EXOC4: variants seen among roughly 807,000 people sequenced by gnomAD.
The protein encoded by EXOC4 is SEC8-like 1.
Under a neutral mutation model 107.2 loss-of-function variants are expected in EXOC4, and 71 were observed. The ratio of observed to expected loss-of-function variants is 0.66; its 90% CI spans 0.55 to 0.81. The LOEUF (loss-of-function observed/expected upper bound fraction) is 0.81, where lower values mean the gene tolerates loss of function less well. EXOC4 is among the 30% of genes least tolerant of loss of function. The probability of loss-of-function intolerance (pLI) is 0.00; values close to 1 mark genes in which losing one functional copy is unlikely to be tolerated. For synonymous variants in EXOC4, 456 were observed against 441.2 expected, an observed-to-expected ratio of 1.03 and a Z score of -0.42; for missense variants, 1,108 against 1,189.6, an observed-to-expected ratio of 0.93 and a Z score of 1.01.
At chr7:134,087,402 T>C in the EXOC4 span, among the ~76,000 whole-genome samples, 12 of 152,310 alleles carry the variant, frequency 7.9e-5, no homozygotes, top group East Asian at 2.3e-3. Flanking sequence ...CAACAAAAGA[T>C]GGTATCTGGA....
chr7:134,051,556 C>T (rs957476783), intron 17 of EXOC4, among the ~76,000 whole-genome samples: 6 of 151,996 alleles, frequency 3.9e-5, no homozygotes, highest in Non-Finnish European at 5.9e-5. Flanking sequence ...CCTGTAATCC[C>T]AGCTACTCCG....
At chr7:133,994,757 T>G (rs894343987) in intron 14 of EXOC4, among the ~76,000 whole-genome samples, 3 of 148,590 alleles carry the variant, frequency 2.0e-5, no homozygotes, top group Non-Finnish European at 4.5e-5. Context: ...GTACAAGGTT[T>G]TGTGTGTGTG....
chr7:133,666,257 T>C (rs977680143), intron 10 of EXOC4, among the ~76,000 whole-genome samples: 3 of 152,208 alleles, frequency 2.0e-5, no homozygotes, highest in African/African-American at 7.2e-5. Context: ...GATACTGAGA[T>C]ATATTAGGTT....
chr7:133,833,893 G>T (rs1346447641), intron 11 of EXOC4, among the ~76,000 whole-genome samples: 1 of 152,164 alleles, frequency 6.6e-6, no homozygotes, highest in Non-Finnish European at 1.5e-5. Context: ...TTAGGTGGCT[G>T]ATTCAGCTGG....
At chr7:133,448,361 G>A (rs1584925622) in intron 7 of EXOC4, among the ~76,000 whole-genome samples, 1 of 151,874 alleles carries the variant, frequency 6.6e-6, no homozygotes, top group East Asian at 1.9e-4. Flanking sequence ...ACAGTGGTGC[G>A]ATCATGGCTT....
At chr7:133,431,663 A>G (rs908850094) in intron 7 of EXOC4, among the ~76,000 whole-genome samples, 5 of 152,226 alleles carry the variant, frequency 3.3e-5, no homozygotes, top group Admixed American at 1.3e-4. Flanking sequence ...TTAAGTAAGC[A>G]TAGATTACCC....
At chr7:133,369,586 C>T (rs1051067867) in intron 6 of EXOC4, among the ~76,000 whole-genome samples, 4 of 152,052 alleles carry the variant, frequency 2.6e-5, no homozygotes, top group African/African-American at 9.7e-5. Flanking sequence ...GATACTCTTT[C>T]CTGGAGTGTT....
At chr7:133,310,458 C>T (rs150846963) in intron 4 of EXOC4, among the ~76,000 whole-genome samples, 15 of 152,158 alleles carry the variant, frequency 9.9e-5, no homozygotes, top group Admixed American at 3.3e-4. Flanking sequence ...AAAAAAAATT[C>T]GTTTCATTAT....
intron 5 of EXOC4, among the ~76,000 whole-genome samples, chr7:133,328,963 C>T (rs1795313899): frequency 6.6e-6 from 1 of 152,040 alleles, no homozygotes; most frequent in Admixed American, 6.6e-5. Flanking sequence ...GAATGTTGGC[C>T]TGTCTTGCTA....
At position 133,380,176 on chromosome 7, in the gene EXOC4, C is replaced by T. The variant is rs919149703; in HGVS notation, c.1182+5174C>T. Among the ~76,000 whole-genome samples the T allele has an allele frequency of 7.3e-5, 11 of 151,592 alleles. No individual in the cohort carries two copies. In the East Asian group the frequency reaches 2.1e-3, roughly 29 times the overall value. Reference sequence around the variant, plus strand: ...ATGGGTGCAGCACACCAACATGTCACATGTATACATATGTAACAAACCTGC... The same window carrying T: ...ATGGGTGCAGCACACCAACATGTCATATGTATACATATGTAACAAACCTGC... On this transcript the variant is annotated intron_variant, in intron 7 of 17. Transcript: ENST00000253861.
At chr7:134,019,714 G>C (rs1174941286) in intron 17 of EXOC4, among the ~76,000 whole-genome samples, 2 of 152,134 alleles carry the variant, frequency 1.3e-5, no homozygotes, top group Non-Finnish European at 2.9e-5. Flanking sequence ...CGTGAAGTAA[G>C]GCTACCATTT....
chr7:133,423,478 A>G (rs1282566619), intron 7 of EXOC4, among the ~76,000 whole-genome samples: 3 of 152,202 alleles, frequency 2.0e-5, no homozygotes, highest in African/African-American at 2.4e-5. Context: ...GTGATTGTGT[A>G]GGTGTGAGTA....
intron 14 of EXOC4, among the ~76,000 whole-genome samples, chr7:133,983,754 T>G (rs1794049185): frequency 1.3e-5 from 2 of 152,186 alleles, no homozygotes; most frequent in Non-Finnish European, 2.9e-5. Flanking sequence ...TGGTTAACAC[T>G]TTTAGATGCT....
At chr7:133,526,786 A>G (rs1054218645) in intron 9 of EXOC4, among the ~76,000 whole-genome samples, 1 of 152,154 alleles carries the variant, frequency 6.6e-6, no homozygotes, top group Non-Finnish European at 1.5e-5. Flanking sequence ...CCTGGCCAAC[A>G]TGGTGAAACC....
At chr7:133,895,185 C>T (rs891818522) in intron 11 of EXOC4, 9 of 158,794 alleles carry the variant, frequency 5.7e-5, no homozygotes, top group African/African-American at 2.1e-4. Context: ...GGGAGTGACC[C>T]GATTTTCCAG....
At chr7:133,417,683 T>C (rs1797510095) in intron 7 of EXOC4, among the ~76,000 whole-genome samples, 2 of 152,152 alleles carry the variant, frequency 1.3e-5, no homozygotes, top group African/African-American at 4.8e-5. Context: ...ACAGATCATA[T>C]GAGTAATATC....
At chr7:133,715,860 A>C (rs1439642550) in intron 10 of EXOC4, among the ~76,000 whole-genome samples, 1 of 152,166 alleles carries the variant, frequency 6.6e-6, no homozygotes, top group Admixed American at 6.5e-5. Context: ...GAGGCTGAGC[A>C]GTTTACTTCC....
intron 9 of EXOC4, among the ~76,000 whole-genome samples, chr7:133,612,838 A>G (rs1802101494): frequency 6.6e-6 from 1 of 152,198 alleles, no homozygotes; most frequent in Non-Finnish European, 1.5e-5. Context: ...AGATGACTCC[A>G]AAGTTTTAGA....
At chr7:133,493,530 C>T (rs1799416392) in intron 9 of EXOC4, among the ~76,000 whole-genome samples, 3 of 152,306 alleles carry the variant, frequency 2.0e-5, no homozygotes, top group African/African-American at 7.2e-5. Context: ...TAGCACCTGG[C>T]ATCATTCGTC....
Sources: allele counts gnomAD v4.1 joint callset (sites outside exome capture counted in the v4.1 genomes callset), GRCh38; gene constraint gnomAD v4.1.1; transcripts MANE v1.5; gene names NCBI Gene and HGNC (gene_info 2026-07-23, HGNC 2026-07-21).